The following ST8SIA6 variants were observed in gnomAD, a reference collection of about 807,000 sequenced individuals.
The protein encoded by ST8SIA6 is ST8 alpha-N-acetyl-neuraminide alpha-2,8-sialyltransferase 6, also known as alpha-2,8-sialyltransferase 8F.
ST8SIA6 carries 39 observed loss-of-function variants against 33.6 expected under a neutral mutation model. The observed-to-expected ratio is 1.16, with a 90% CI of 0.90 to 1.52. The LOEUF (loss-of-function observed/expected upper bound fraction) is 1.52, where lower values mean the gene tolerates loss of function less well. ST8SIA6 is among the 40% of genes most tolerant of loss of function. ST8SIA6 has a pLI of 0.00. For synonymous variants in ST8SIA6, 172 were observed against 167.2 expected (o/e 1.03, Z -0.22); for missense variants, 441 against 443.8 (o/e 0.99, Z 0.06).
intron 2 of ST8SIA6, among the ~76,000 whole-genome samples, chr10:17,421,391 A>G (rs760849843): frequency 2.1e-4 from 32 of 152,132 alleles, no homozygotes; most frequent in Non-Finnish European, 2.2e-4. Flanking sequence ...TGCCCAGGAA[A>G]TCCAATTTAC....
intron 2 of ST8SIA6, among the ~76,000 whole-genome samples, chr10:17,412,330 A>C (rs113240667): frequency 9.8e-5 from 15 of 152,294 alleles, no homozygotes; most frequent in African/African-American, 3.4e-4. Context: ...AGCCAAGCCC[A>C]ATCCCCAGAC....
intron 2 of ST8SIA6, among the ~76,000 whole-genome samples, chr10:17,426,954 T>A (rs1851956076): frequency 6.6e-6 from 1 of 152,002 alleles, no homozygotes; most frequent in Non-Finnish European, 1.5e-5. Flanking sequence ...ATACCAAAAT[T>A]AGCCAGGCAT....
intron 2 of ST8SIA6, among the ~76,000 whole-genome samples, chr10:17,421,424 A>G (rs1460125987): frequency 6.6e-6 from 1 of 152,194 alleles, no homozygotes; most frequent in Non-Finnish European, 1.5e-5. Flanking sequence ...TACAAAAGAA[A>G]TTGTATAGTA....
intron 2 of ST8SIA6, among the ~76,000 whole-genome samples, chr10:17,451,089 A>C (rs746938321): frequency 1.3e-5 from 2 of 152,198 alleles, no homozygotes; most frequent in Non-Finnish European, 2.9e-5. Context: ...TTAGAATAAC[A>C]ATAGTTTGTC....
At chr10:17,400,342 G>C (rs1850989522) in intron 2 of ST8SIA6, among the ~76,000 whole-genome samples, 1 of 152,122 alleles carries the variant, frequency 6.6e-6, no homozygotes, top group African/African-American at 2.4e-5. Flanking sequence ...GACCAGCCTG[G>C]TTAACATGGT....
intron 4 of ST8SIA6, among the ~76,000 whole-genome samples, chr10:17,345,188 C>T (rs911826761): frequency 6.6e-6 from 1 of 152,188 alleles, no homozygotes; most frequent in Non-Finnish European, 1.5e-5. Flanking sequence ...GACTGCAGCA[C>T]AAAGGCCCAC....
At chr10:17,388,388 C>T (rs7895189) in intron 3 of ST8SIA6, among the ~76,000 whole-genome samples, 4,242 of 152,204 alleles carry the variant, frequency 0.028, 61 homozygotes, top group South Asian at 0.059. Flanking sequence ...ACAGTTAAAC[C>T]GGTTTACCTA....
chr10:17,434,903 C>T (rs145729566), intron 2 of ST8SIA6, among the ~76,000 whole-genome samples: 75 of 152,290 alleles, frequency 4.9e-4, no homozygotes, highest in African/African-American at 1.2e-3. Context: ...CACCAGCTTC[C>T]GCCTTTAAGG....
chr10:17,371,883 T>C (rs1038882205), intron 3 of ST8SIA6, among the ~76,000 whole-genome samples: 3 of 151,838 alleles, frequency 2.0e-5, no homozygotes, highest in African/African-American at 4.8e-5. Context: ...TAATATACTG[T>C]GGACTGCTAA....
chr10:17,338,984 T>G (rs892393033), intron 4 of ST8SIA6, among the ~76,000 whole-genome samples: 1 of 152,230 alleles, frequency 6.6e-6, no homozygotes, highest in South Asian at 2.1e-4. Flanking sequence ...TCTGACTTAG[T>G]GCTTTTCACC....
intron 3 of ST8SIA6, among the ~76,000 whole-genome samples, chr10:17,360,426 G>GA (rs1554790359): frequency 5.0e-5 from 3 of 60,432 alleles, no homozygotes; most frequent in Non-Finnish European, 1.0e-4. Context: ...AGAACATGAT[G>GA]AGTACTGGGA....
chr10:17,437,149 C>T (rs1852293077), intron 2 of ST8SIA6, among the ~76,000 whole-genome samples: 1 of 152,040 alleles, frequency 6.6e-6, no homozygotes, highest in Admixed American at 6.6e-5. Context: ...CTCTCTCTCT[C>T]TCTCTCATAC....
intron 3 of ST8SIA6, among the ~76,000 whole-genome samples, chr10:17,365,222 A>G (rs747123892): frequency 1.3e-5 from 2 of 152,228 alleles, no homozygotes; most frequent in African/African-American, 4.8e-5. Flanking sequence ...ATGATAATAA[A>G]TGTCATATTA....
intron 3 of ST8SIA6, among the ~76,000 whole-genome samples, chr10:17,370,712 A>T (rs1214146587): frequency 6.6e-6 from 1 of 152,140 alleles, no homozygotes. Flanking sequence ...ATCTCTTGTC[A>T]TTTCTATAGC....
intron 4 of ST8SIA6, among the ~76,000 whole-genome samples, chr10:17,354,365 G>T (rs1036604556): frequency 5.9e-5 from 9 of 152,134 alleles, no homozygotes; most frequent in African/African-American, 2.2e-4. Flanking sequence ...TGAAATCCAG[G>T]TAGATTTTTC....
intron 2 of ST8SIA6, among the ~76,000 whole-genome samples, chr10:17,411,895 G>C (rs1411970885): frequency 6.6e-6 from 1 of 151,014 alleles, no homozygotes; most frequent in Non-Finnish European, 1.5e-5. Flanking sequence ...ACATATATTT[G>C]CATTTCAGAA....
chr10:17,407,924 G>GCT (rs1302764359), intron 2 of ST8SIA6: 1 of 152,550 alleles, frequency 6.6e-6, no homozygotes, highest in African/African-American at 2.4e-5. Flanking sequence ...AGTAAAGTGA[G>GCT]CTCTCATCAT....
At chr10:17,375,920 A>G (rs1367571041) in intron 3 of ST8SIA6, among the ~76,000 whole-genome samples, 1 of 152,192 alleles carries the variant, frequency 6.6e-6, no homozygotes, top group East Asian at 1.9e-4. Flanking sequence ...AATCAATAGA[A>G]TGATCAGAAT....
intron 2 of ST8SIA6, among the ~76,000 whole-genome samples, chr10:17,445,038 A>G (rs1852654227): frequency 6.6e-6 from 1 of 152,230 alleles, no homozygotes; most frequent in African/African-American, 2.4e-5. Context: ...TGGAAGTAAA[A>G]TCTAATAGCC....
Sources: allele counts gnomAD v4.1 joint callset (sites outside exome capture counted in the v4.1 genomes callset), GRCh38; gene constraint gnomAD v4.1.1; transcripts MANE v1.5; gene names NCBI Gene and HGNC (gene_info 2026-07-23, HGNC 2026-07-21).